CASP6: variants seen among roughly 807,000 people sequenced by gnomAD.
CASP6 encodes the protein caspase 6.
Under a neutral mutation model 31.8 loss-of-function variants are expected in CASP6, and 20 were observed. That is an observed-to-expected ratio of 0.63 (90% CI 0.44 to 0.91). CASP6 has a LOEUF of 0.91. Among genes scored for constraint, CASP6 ranks in the 40% least tolerant of loss-of-function variants. The pLI is 0.00. For synonymous variants in CASP6, 130 were observed against 127.8 expected, an observed-to-expected ratio of 1.02 and a Z score of -0.12; for missense variants, 328 against 361.1, an observed-to-expected ratio of 0.91 and a Z score of 0.74.
the CASP6 span, chr4:109,673,734 A>G: frequency 1.9e-6 from 1 of 514,248 alleles, no homozygotes; most frequent in Non-Finnish European, 3.4e-6. Context: ...TAAGTTCACA[A>G]GGAAGACACA....
the CASP6 span, among the ~76,000 whole-genome samples, chr4:109,671,791 A>C: frequency 2.6e-5 from 4 of 152,014 alleles, no homozygotes; most frequent in East Asian, 7.7e-4. Context: ...CTTGTCTTTA[A>C]ATTTTTTGCT....
chr4:109,682,581 G>C, the CASP6 span: 1 of 1,598,828 alleles, frequency 6.3e-7, no homozygotes, highest in Non-Finnish European at 8.5e-7. Context: ...TCTTTTCTCA[G>C]AAAAACCAAG....
upstream of CASP6, among the ~76,000 whole-genome samples, chr4:109,706,131 T>TATAATTATATA (rs60918624): frequency 1.7e-4 from 6 of 36,098 alleles, no homozygotes; most frequent in African/African-American, 7.8e-4. Context: ...CCTATCCATT[T>TATAATTATATA]TATATATATA....
rs750986266 is a variant in CASP6 at position 109,703,374 on chromosome 4, G to A, written c.22C>T (p.Arg8Cys). The A allele has an allele frequency of 2.5e-6, 4 of 1,611,198 alleles. No homozygotes were observed. The highest frequency in any genetic ancestry group is 1.7e-5 in the Admixed American group (1 of 59,800). The change falls in exon 1 of 7, where the codon CGC (arginine) becomes TGC (cysteine). Residue 8 changes from arginine to cysteine, a missense_variant. By Grantham distance (180) the Arg-to-Cys change is radical (BLOSUM62 -3). Transcript: ENST00000265164. The part of the protein sequence containing the change: MSSASGL[R>C]RGHPAGGEEN... ...TGCCTACCTGCCGGGTGCCCCCTGC[G>A]GAGCCCCGAGGCCGAGCTCATTGCA... is the stretch of plus-strand genomic sequence containing the variant.
chr4:109,706,158 T>TATATATAC (rs1730611555), upstream of CASP6, among the ~76,000 whole-genome samples: 2 of 92,620 alleles, frequency 2.2e-5, no homozygotes, highest in African/African-American at 1.3e-4. Context: ...TATATATATA[T>TATATATAC]ATATATATAT....
At chr4:109,669,420 C>T in the CASP6 span, among the ~76,000 whole-genome samples, 2 of 151,974 alleles carry the variant, frequency 1.3e-5, no homozygotes, top group African/African-American at 4.8e-5. Context: ...AGGGTTCCCC[C>T]CTTCCCTGGC....
intron 3 of CASP6, 41 bp from the exon 4 acceptor site, chr4:109,696,527 C>T: frequency 7.4e-7 from 1 of 1,359,816 alleles, no homozygotes; most frequent in Non-Finnish European, 1.0e-6. Context: ...ATAAACTTTT[C>T]AAAGTTGTCA....
At chr4:109,696,945 C>T (rs1428518464) in intron 3 of CASP6, among the ~76,000 whole-genome samples, 2 of 151,960 alleles carry the variant, frequency 1.3e-5, no homozygotes, top group Non-Finnish European at 2.9e-5. Flanking sequence ...ACCACCACGC[C>T]CGGCTAATTT....
chr4:109,699,226 A>G (rs1171317297), intron 1 of CASP6, among the ~76,000 whole-genome samples: 1 of 152,236 alleles, frequency 6.6e-6, no homozygotes, highest in Non-Finnish European at 1.5e-5. Context: ...GAGGGGAGAC[A>G]GCAATGAATA....
At chr4:109,677,604 C>T in the CASP6 span, among the ~76,000 whole-genome samples, 1 of 152,028 alleles carries the variant, frequency 6.6e-6, no homozygotes, top group Non-Finnish European at 1.5e-5. Flanking sequence ...GGATTAATGT[C>T]GTTATCATGG....
chr4:109,689,629 T>G (rs139632346), intron 6 of CASP6, 61 bp from the exon 7 acceptor site: 1 of 1,407,104 alleles, frequency 7.1e-7, no homozygotes, highest in African/African-American at 1.4e-5. Context: ...CTGTGTGTAT[T>G]CTTTTTAGTT....
In CASP6 at chr4:109,689,435, G is replaced by A. The variant is rs757599633; in HGVS notation, c.777C>T (p.Arg259=). The change falls in exon 7 of 7, where the codon CGC becomes CGT. Residue 259 remains arginine (R), a synonymous_variant. Coordinates refer to ENST00000265164, the MANE Select transcript of CASP6 (RefSeq NM_001226.4). ...LTLVNRKVSQ[R]RVDFCKDPSA... is the part of the protein sequence containing the mutation. ...TTGGGTCTTTGCAAAAGTCCACTCG[G>A]CGCTGAGAAACTTTCCTGTTCACCA... is the stretch of plus-strand genomic sequence containing the variant. The A allele has an allele frequency of 6.2e-7, 1 of 1,614,202 alleles. No homozygotes were observed. Among genetic ancestry groups the A allele is most frequent in the South Asian group, 1.1e-5 (1 of 91,088 alleles).
At position 109,697,591 on chromosome 4, in the gene CASP6, C is replaced by A. The variant is rs778515214; in HGVS notation, c.230+31G>T. The A allele has an allele frequency of 6.3e-6, 10 of 1,580,728 alleles. No homozygotes were observed. In the East Asian group the frequency reaches 2.3e-4, roughly 36 times the overall value. On this transcript the variant is annotated intron_variant, in intron 3 of 6. Coordinates refer to ENST00000265164, the MANE Select transcript of CASP6 (RefSeq NM_001226.4). The stretch of plus-strand genomic sequence containing the variant: ...CAAAAGTAATTTTATCACTTAACTG[C>A]CTCATCTTGATAGGTAGATAAAACT...
Position 109,688,746 on chromosome 4 carries a change from T to A in CASP6, c.*584A>T, listed in dbSNP as rs1429994359. On this transcript the variant is annotated 3_prime_UTR_variant, in exon 7 of 7. Transcript: ENST00000265164. Reference sequence around the variant, plus strand: ...AAAATACAAGTTAAATCAGCTAGATTTTTGTGTAACCCTGCAGTTTATTAA... The same window carrying A: ...AAAATACAAGTTAAATCAGCTAGATATTTGTGTAACCCTGCAGTTTATTAA... The A allele has an allele frequency of 1.3e-5, 2 of 152,162 alleles. No individual in the cohort carries two copies. The highest frequency in any genetic ancestry group is 2.9e-5 in the Non-Finnish European group (2 of 68,020). 9.4% of individuals were successfully genotyped at this position (152,162 alleles called of 1,614,324 possible).
chr4:109,669,341 T>C, the CASP6 span, among the ~76,000 whole-genome samples: 1 of 152,196 alleles, frequency 6.6e-6, no homozygotes, highest in South Asian at 2.1e-4. Flanking sequence ...AAATATTTTA[T>C]CCCACTTCTT....
chr4:109,706,182 T>C (rs531092921), upstream of CASP6, among the ~76,000 whole-genome samples: 857 of 111,534 alleles, frequency 7.7e-3, 6 homozygotes, highest in Non-Finnish European at 0.01. Flanking sequence ...CACACACACA[T>C]ATACACACAC....
the CASP6 span, among the ~76,000 whole-genome samples, chr4:109,683,493 A>G: frequency 1.3e-5 from 2 of 152,152 alleles, no homozygotes; most frequent in African/African-American, 4.8e-5. Flanking sequence ...TTTAAAATCT[A>G]AAGTTTTCCT....
downstream of CASP6, chr4:109,684,924 T>C (rs1360491370): frequency 2.6e-6 from 1 of 386,058 alleles, no homozygotes; most frequent in African/African-American, 2.1e-5. Context: ...AAAAACTGAA[T>C]TTGCATTGCA....
chr4:109,675,297 C>T, the CASP6 span, among the ~76,000 whole-genome samples: 2 of 152,208 alleles, frequency 1.3e-5, no homozygotes, highest in African/African-American at 4.8e-5. Flanking sequence ...AGACTCTCAC[C>T]TTGACTAAAC....
Sources: allele counts gnomAD v4.1 joint callset (sites outside exome capture counted in the v4.1 genomes callset), GRCh38; gene constraint gnomAD v4.1.1; transcripts MANE v1.5; gene names NCBI Gene and HGNC (gene_info 2026-07-23, HGNC 2026-07-21).